RIPPLY2: variants seen among roughly 807,000 people sequenced by gnomAD.
The protein encoded by RIPPLY2 is ripply transcriptional repressor 2.
Under a neutral mutation model 17.7 loss-of-function variants are expected in RIPPLY2, and 20 were observed. The ratio of observed to expected loss-of-function variants is 1.13; its 90% confidence interval spans 0.79 to 1.64. The LOEUF (loss-of-function observed/expected upper bound fraction) is 1.64. RIPPLY2 is among the 40% of genes most tolerant of loss of function. The pLI, the probability that RIPPLY2 is intolerant of heterozygous loss-of-function variation, is 0.00. For missense variants in RIPPLY2, 213 were observed against 169.8 expected, an observed-to-expected ratio of 1.25 and a Z score of -1.41; for synonymous variants, 69 against 63.9, an observed-to-expected ratio of 1.08 and a Z score of -0.38.
Position 83,853,701 on chromosome 6 carries a change from A to G in RIPPLY2, c.102A>G (p.Ala34=), listed in dbSNP as rs762190187. 4 of 1,613,494 alleles carry G rather than the reference A, an allele frequency of 2.5e-6. No homozygotes were observed. In the African/African-American group the frequency reaches 4.0e-5, roughly 16 times the overall value. ...TRRAGADSGY[A]GFWRPWVDAG... ...GTGCTCCCCTATCCCGCAGATACGC[A>G]GGCTTCTGGAGACCCTGGGTGGACG... Residue 34 remains alanine (A), a synonymous_variant, in exon 2 of 4, where the codon GCA becomes GCG. Coordinates refer to ENST00000369689, the MANE Select transcript of RIPPLY2 (RefSeq NM_001009994.3).
Position 83,853,503 on chromosome 6 carries a change from G to C in RIPPLY2, c.87G>C (p.Ala29=), listed in dbSNP as rs1009871056. 9 of 1,538,452 alleles carry C rather than the reference G, an allele frequency of 5.9e-6. No homozygotes were observed. In the African/African-American group the frequency reaches 1.1e-4, roughly 19 times the overall value. Residue 29 remains alanine, a synonymous_variant, in exon 1 of 4, where the codon GCG becomes GCC. Transcript: ENST00000369689. ...ACGGCCCTACGCGGCGCGCGGGCGC[G>C]GACTCCGGGTAGGCTTCCCCGCGCT... ...ATDGPTRRAG[A]DSGYAGFWRP... is the part of the protein sequence containing the mutation.
At position 83,857,441 on chromosome 6, in the gene RIPPLY2, T is replaced by A. The variant is rs775313772; in HGVS notation, c.*52T>A. On this transcript the variant is annotated 3_prime_UTR_variant, in exon 4 of 4. Coordinates refer to ENST00000369689, the MANE Select transcript of RIPPLY2 (RefSeq NM_001009994.3). ...CAAAGCTTGTGGGGTTTAAATTTAGTGTACAAATGTATCATAATTATTTTA... is the reference window on the plus strand; with the variant it reads ...CAAAGCTTGTGGGGTTTAAATTTAGAGTACAAATGTATCATAATTATTTTA... The A allele has an allele frequency of 1.8e-6, 2 of 1,134,840 alleles. No individual in the cohort carries two copies. The highest frequency in any genetic ancestry group is 1.2e-6 in the Non-Finnish European group (1 of 823,608). 70.3% of individuals were successfully genotyped at this position (1,134,840 alleles called of 1,614,324 possible).
chr6:83,856,961 A>G, intron 3 of RIPPLY2: 1 of 174,426 alleles, frequency 5.7e-6, no homozygotes. Context: ...GTACAAAGTA[A>G]GGTAAACATT....
Position 83,853,470 on chromosome 6 carries a change from G to C in RIPPLY2, c.54G>C (p.Ala18=). The change falls in exon 1 of 4, where the codon GCG becomes GCC. Residue 18 remains alanine (A), a synonymous_variant. Coordinates refer to ENST00000369689, the MANE Select transcript of RIPPLY2 (RefSeq NM_001009994.3). The part of the protein sequence containing the change: ...EGTESGAAAC[A]ATDGPTRRAG... Reference sequence around the variant, plus strand: ...CAGAGAGTGGAGCTGCGGCGTGCGCGGCCACCGACGGCCCTACGCGGCGCG... The same window carrying C: ...CAGAGAGTGGAGCTGCGGCGTGCGCCGCCACCGACGGCCCTACGCGGCGCG... 1 of 1,540,990 alleles carries C rather than the reference G, an allele frequency of 6.5e-7. No individual in the cohort carries two copies. Among genetic ancestry groups the C allele is most frequent in the Non-Finnish European group, 8.7e-7 (1 of 1,145,800 alleles).
At chr6:83,853,304 C>T, upstream of RIPPLY2, 1 of 804,710 alleles carries the variant, frequency 1.2e-6, no homozygotes, top group Non-Finnish European at 1.9e-6. Context: ...CAGCGAACCT[C>T]TCAATGTGCA....
At chr6:83,856,398 T>C (rs1222288822) in intron 3 of RIPPLY2, 1 of 152,228 alleles carries the variant, frequency 6.6e-6, no homozygotes, top group Non-Finnish European at 1.5e-5. Flanking sequence ...TGTATGGATA[T>C]ATGGGCTGTT....
At chr6:83,853,561 C>G (rs1010427675) in intron 1 of RIPPLY2, 50 bp downstream of exon 1, 23 of 1,533,432 alleles carry the variant, frequency 1.5e-5, no homozygotes, top group Non-Finnish European at 2.0e-5. Flanking sequence ...CCGTCTCTCC[C>G]TCCTGCGCCT....
chr6:83,853,596 C>A, intron 1 of RIPPLY2, 85 bp downstream of exon 1: 1 of 1,543,922 alleles, frequency 6.5e-7, no homozygotes, highest in Non-Finnish European at 8.7e-7. Context: ...CTCCAACTCT[C>A]CATCCCCCAC....
At chr6:83,855,593 C>T (rs527433471) in intron 3 of RIPPLY2, 21 of 152,324 alleles carry the variant, frequency 1.4e-4, no homozygotes, top group African/African-American at 5.1e-4. Context: ...GATCATGAGT[C>T]AAGTTTTCCA....
Position 83,853,772 on chromosome 6 carries a change from C to A in RIPPLY2, c.173C>A (p.Ala58Glu). 1.9e-6 allele frequency: 3 copies of A among 1,611,870 alleles called. No individual in the cohort carries two copies. Among genetic ancestry groups the A allele is most frequent in the South Asian group, 2.2e-5 (2 of 90,768 alleles). The change falls in exon 2 of 4, where the codon GCG becomes GAG. Residue 58 changes from alanine (A) to glutamate (E), a missense_variant and splice_region_variant. Ala to Glu is a moderately radical substitution (Grantham distance 107). Coordinates refer to ENST00000369689, the MANE Select transcript of RIPPLY2 (RefSeq NM_001009994.3). ...GAGACGCCGAACCACGCCGCGGAGG[C>A]GGTGAGTGAGCCACGCGTCTCAGGC... ...EEETPNHAAE[A>E]MPDGPGMTAA...
intron 3 of RIPPLY2, chr6:83,854,440 T>TGA: frequency 2.0e-6 from 1 of 488,660 alleles, no homozygotes; most frequent in Non-Finnish European, 3.7e-6. Context: ...GGTGACATCT[T>TGA]GTGCTGGCAA....
upstream of RIPPLY2, chr6:83,853,307 A>T: frequency 1.2e-6 from 1 of 813,948 alleles, no homozygotes. Context: ...CGAACCTCTC[A>T]ATGTGCAGCA....
At chr6:83,854,765 TC>T (rs1308578235) in intron 3 of RIPPLY2, 4 of 152,914 alleles carry the variant, frequency 2.6e-5, no homozygotes, top group African/African-American at 9.6e-5. Context: ...TCTGCAGTTT[TC>T]CTGCCTCCGA....
chr6:83,853,943 TG>T, intron 2 of RIPPLY2, 153 bp from the exon 3 acceptor site: 1 of 995,064 alleles, frequency 1.0e-6, no homozygotes, highest in Non-Finnish European at 1.5e-6. Context: ...ATGTGTCCTC[TG>T]GAGCGATGGG....
chr6:83,853,581 C>A, intron 1 of RIPPLY2, 70 bp downstream of exon 1: 2 of 1,535,560 alleles, frequency 1.3e-6, no homozygotes, highest in Non-Finnish European at 1.7e-6. Context: ...TCCCCAGCTC[C>A]TCCCCTCCAA....
At chr6:83,855,706 A>T (rs1265466436) in intron 3 of RIPPLY2, 2 of 152,240 alleles carry the variant, frequency 1.3e-5, no homozygotes, top group East Asian at 3.8e-4. Flanking sequence ...AAGTGGAAAT[A>T]CAGACTTGGG....
At chr6:83,854,233 C>A in intron 3 of RIPPLY2, 72 bp downstream of exon 3, 2 of 1,233,246 alleles carry the variant, frequency 1.6e-6, no homozygotes, top group Admixed American at 1.7e-5. Flanking sequence ...ATCGCGCAGC[C>A]CAGCTCCGCA....
At chr6:83,853,587 T>A (rs1455730756) in intron 1 of RIPPLY2, 76 bp downstream of exon 1, 1 of 1,536,906 alleles carries the variant, frequency 6.5e-7, no homozygotes, top group Non-Finnish European at 8.7e-7. Flanking sequence ...GCTCCTCCCC[T>A]CCAACTCTCC....
chr6:83,857,400 TA>T lies in RIPPLY2; in HGVS notation c.*12del, dbSNP rs767954710. 17 of 1,551,188 alleles carry T rather than the reference TA, an allele frequency of 1.1e-5. No homozygotes were observed. The South Asian group carries it at 2.2e-4, about 20-fold the overall frequency. On this transcript the variant is annotated 3_prime_UTR_variant, in exon 4 of 4. Coordinates refer to ENST00000369689, the MANE Select transcript of RIPPLY2 (RefSeq NM_001009994.3). ...ACCTGTGAAAATTAATCTGATTAGC[TA>T]CTTTTGATTATATCCAAAGCTTGTG...
Sources: allele counts gnomAD v4.1 joint callset, GRCh38; gene constraint gnomAD v4.1.1; transcripts MANE v1.5; gene names NCBI Gene and HGNC (gene_info 2026-07-23, HGNC 2026-07-21).